Variants in TAPT1 observed in about 807,000 individuals in gnomAD.
The protein encoded by TAPT1 is transmembrane anterior posterior transformation 1, also known as transmembrane anterior posterior transformation protein 1 homolog.
In TAPT1, 28 loss-of-function variants were observed where a neutral mutation model predicts 65.6. That is an observed-to-expected ratio of 0.43 (90% CI 0.32 to 0.59). The LOEUF (loss-of-function observed/expected upper bound fraction) is 0.59, where lower values mean the gene tolerates loss of function less well. TAPT1 is among the 20% of genes least tolerant of loss of function. The pLI, the probability that TAPT1 is intolerant of heterozygous loss-of-function variation, is 0.09. For missense variants in TAPT1, 563 were observed against 679.9 expected (o/e 0.83, Z 1.91); for synonymous variants, 278 against 245.2 (o/e 1.13, Z -1.25).
chr4:16,186,823 G>GT lies in TAPT1; in HGVS notation c.803dup (p.Asn268LysfsTer14). ...TAGTAAGCAAAGACTTGTTGTGTGA[G>GT]TTAAAAGCTACATTGAGAGTTGTTG... On this transcript the variant is annotated frameshift_variant, in exon 6 of 14. Transcript: ENST00000405303. LOFTEE classifies it high-confidence loss of function. The GT allele has an allele frequency of 6.2e-7, 1 of 1,611,580 alleles. No individual in the cohort carries two copies. The highest frequency in any genetic ancestry group is 8.5e-7 in the Non-Finnish European group (1 of 1,178,048).
intron 7 of TAPT1, among the ~76,000 whole-genome samples, chr4:16,184,409 C>T (rs1748883535): frequency 6.6e-6 from 1 of 152,060 alleles, no homozygotes; most frequent in African/African-American, 2.4e-5. Flanking sequence ...TGTTTATTTT[C>T]CTACTGATAG....
rs367601699 is a variant in TAPT1, at chr4:16,186,911, G to T, written c.749-33C>A. On this transcript the variant is annotated intron_variant, in intron 5 of 13. Coordinates refer to ENST00000405303, the MANE Select transcript of TAPT1 (RefSeq NM_153365.3). Reference sequence around the variant, plus strand: ...AAGGTCAAGGAAAAAACTTAAATTTGCTTTCATATTATTACTGATAATACT... The same window carrying T: ...AAGGTCAAGGAAAAAACTTAAATTTTCTTTCATATTATTACTGATAATACT... 29 of 1,311,210 alleles carry T rather than the reference G, an allele frequency of 2.2e-5. No individual in the cohort carries two copies. The African/African-American group carries it at 3.8e-4, about 17-fold the overall frequency. 81.2% of individuals were successfully genotyped at this position (1,311,210 alleles called of 1,614,324 possible).
At chr4:16,166,380 TTCCACCCCA>T (rs1747619718) in intron 13 of TAPT1, among the ~76,000 whole-genome samples, 1 of 152,248 alleles carries the variant, frequency 6.6e-6, no homozygotes, top group African/African-American at 2.4e-5. Flanking sequence ...AGAATTGCCT[TTCCACCCCA>T]CTGCTGTATC....
chr4:16,202,731 CAA>C (rs1750113119), intron 2 of TAPT1, 151 bp from the exon 3 acceptor site: 1 of 512,402 alleles, frequency 2.0e-6, no homozygotes, highest in Non-Finnish European at 3.5e-6. Context: ...TTCTTCTCTT[CAA>C]AGAGTGAGTC....
At chr4:16,197,526 G>A (rs888489815) in intron 3 of TAPT1, among the ~76,000 whole-genome samples, 3 of 152,138 alleles carry the variant, frequency 2.0e-5, no homozygotes, top group African/African-American at 7.2e-5. Flanking sequence ...TGACAAAAAT[G>A]CCAGGTAAAT....
chr4:16,173,665 A>G (rs1456429748), intron 11 of TAPT1, among the ~76,000 whole-genome samples: 2 of 152,246 alleles, frequency 1.3e-5, no homozygotes. Context: ...ATTTGGGCAT[A>G]CCATAATTTT....
intron 1 of TAPT1, among the ~76,000 whole-genome samples, chr4:16,220,758 A>T (rs1020044831): frequency 2.6e-5 from 4 of 152,146 alleles, no homozygotes; most frequent in African/African-American, 9.7e-5. Flanking sequence ...AAAAAAAAAA[A>T]AAAAGAAACA....
intron 3 of TAPT1, among the ~76,000 whole-genome samples, chr4:16,195,174 G>A (rs1578450488): frequency 6.6e-6 from 1 of 152,186 alleles, no homozygotes; most frequent in Admixed American, 6.5e-5. Context: ...TCACAAATAA[G>A]TTTACCTGGT....
intron 11 of TAPT1, among the ~76,000 whole-genome samples, chr4:16,171,243 G>C (rs1224283891): frequency 1.3e-5 from 2 of 151,952 alleles, no homozygotes; most frequent in African/African-American, 2.4e-5. Flanking sequence ...CAGGAAAAAT[G>C]GAACCTTAAA....
intron 1 of TAPT1, among the ~76,000 whole-genome samples, 196 bp from the exon 2 acceptor site, chr4:16,214,094 G>C (rs1273187981): frequency 6.6e-6 from 1 of 152,168 alleles, no homozygotes; most frequent in Non-Finnish European, 1.5e-5. Flanking sequence ...GGTATAACCT[G>C]AAAATGCCAC....
rs73798877 is a variant in TAPT1 at position 16,211,026 on chromosome 4, C to T, written c.330+2742G>A. The stretch of plus-strand genomic sequence containing the variant: ...ATAAGGTATTTATCCAATGACAATA[C>T]AACACAAAAATTGGGGTGTTTTTTT... On this transcript the variant is annotated intron_variant, in intron 2 of 13. Coordinates refer to ENST00000405303, the MANE Select transcript of TAPT1 (RefSeq NM_153365.3). Among the ~76,000 whole-genome samples, 188 of 145,686 alleles carry T rather than the reference C, an allele frequency of 1.3e-3. 2 individuals carry two copies. Among genetic ancestry groups the T allele is most frequent in the African/African-American group, 4.5e-3 (170 of 37,874 alleles).
rs1317304074 is a variant in TAPT1 at position 16,226,055 on chromosome 4, C to G, written c.199+204G>C. 21 of 1,014,350 alleles carry G rather than the reference C, an allele frequency of 2.1e-5. No individual in the cohort carries two copies. The Admixed American group carries it at 8.0e-4, about 39-fold the overall frequency. 62.8% of individuals were successfully genotyped at this position (1,014,350 alleles called of 1,614,324 possible). On this transcript the variant is annotated intron_variant, in intron 1 of 13. Transcript: ENST00000405303. ...TGGCGCGGCCGCGGGGGCCTCGGGG[C>G]TGCGCGCGCAACCCGCCCGAGGAAC...
At chr4:16,165,270 T>C (rs1256416210) in intron 13 of TAPT1, among the ~76,000 whole-genome samples, 1 of 152,006 alleles carries the variant, frequency 6.6e-6, no homozygotes, top group African/African-American at 2.4e-5. Flanking sequence ...ATTCCACACA[T>C]TTAAAAACAC....
intron 3 of TAPT1, among the ~76,000 whole-genome samples, chr4:16,202,231 C>T (rs1015603948): frequency 2.0e-5 from 3 of 151,930 alleles, no homozygotes; most frequent in East Asian, 1.9e-4. Context: ...ATTATTTTAC[C>T]GGCTAAAGCA....
intron 3 of TAPT1, among the ~76,000 whole-genome samples, chr4:16,193,575 A>G (rs1749513748): frequency 6.6e-6 from 1 of 152,214 alleles, no homozygotes; most frequent in South Asian, 2.1e-4. Flanking sequence ...TCCTGCCCTT[A>G]TCCCTACAAG....
chr4:16,165,551 C>T lies in TAPT1; in HGVS notation c.1474+1082G>A, dbSNP rs187637227. On this transcript the variant is annotated intron_variant, in intron 13 of 13. Coordinates refer to ENST00000405303, the MANE Select transcript of TAPT1 (RefSeq NM_153365.3). ...CGCCACTGCACTCCAGCCTGGGCGA[C>T]GGAGCAAAACTCCGTCTCAAAAAAA... 9.7e-3 allele frequency among the ~76,000 whole-genome samples: 1,382 copies of T among 142,562 alleles called. 14 individuals are homozygous for T. The highest frequency in any genetic ancestry group is 0.027 in the Middle Eastern group (7 of 258). The allele number at this position is 142,562 out of a possible 152,430, so 93.5% of individuals were successfully genotyped here. A position where few individuals can be genotyped will look rare whatever the true frequency, so the allele number is the denominator to read the frequency against.
At chr4:16,169,696 G>A (rs915032844) in intron 12 of TAPT1, among the ~76,000 whole-genome samples, 10 of 152,244 alleles carry the variant, frequency 6.6e-5, no homozygotes, top group Non-Finnish European at 1.2e-4. Context: ...GCAGGCTCAC[G>A]ACTCAGGATA....
intron 11 of TAPT1, among the ~76,000 whole-genome samples, chr4:16,171,044 T>C (rs1229074240): frequency 6.6e-6 from 1 of 152,198 alleles, no homozygotes; most frequent in Non-Finnish European, 1.5e-5. Flanking sequence ...CACTTATACC[T>C]CACAGGGATG....
chr4:16,218,058 A>C (rs989390600), intron 1 of TAPT1, among the ~76,000 whole-genome samples: 3 of 152,204 alleles, frequency 2.0e-5, no homozygotes, highest in Non-Finnish European at 4.4e-5. Context: ...GAGATACAGA[A>C]ACACATTACT....
Sources: gnomAD v4.1 joint callset for allele counts (sites outside exome capture counted in the v4.1 genomes callset) on GRCh38, gnomAD v4.1.1 for gene constraint, MANE v1.5 for transcripts, NCBI Gene and HGNC (gene_info 2026-07-23, HGNC 2026-07-21) for gene names.